Variants in GC observed in about 807,000 individuals in gnomAD.
The protein encoded by GC is vitamin D-binding protein.
GC carries 43 observed loss-of-function variants against 56.7 expected under a neutral mutation model. That is an observed-to-expected ratio of 0.76 (90% confidence interval 0.59 to 0.98). The LOEUF (loss-of-function observed/expected upper bound fraction) is 0.98, where lower values mean the gene tolerates loss of function less well. Among genes scored for constraint, GC ranks in the 50% least tolerant of loss-of-function variants. The pLI is 0.00. For missense variants in GC, 529 were observed against 545.9 expected (o/e 0.97, Z 0.31); for synonymous variants, 216 against 202.7 (o/e 1.07, Z -0.56).
At chr4:71,774,614 A>C (rs1742448399) in intron 1 of GC, among the ~76,000 whole-genome samples, 2 of 151,992 alleles carry the variant, frequency 1.3e-5, no homozygotes, top group Admixed American at 1.3e-4. Flanking sequence ...ACAGCAATAT[A>C]AATATAAATA....
chr4:71,771,335 A>ATT, intron 1 of GC, among the ~76,000 whole-genome samples: 1 of 148,558 alleles, frequency 6.7e-6, no homozygotes, highest in African/African-American at 2.5e-5. Context: ...AAAGGGTTGT[A>ATT]TTTTTTTTTT....
chr4:71,765,292 G>T, intron 4 of GC, 140 bp downstream of exon 4: 4 of 679,038 alleles, frequency 5.9e-6, no homozygotes, highest in Non-Finnish European at 1.0e-5. Context: ...AGGGAAGATG[G>T]GCTGTCTCAG....
intron 1 of GC, among the ~76,000 whole-genome samples, chr4:71,801,119 T>A (rs1046166071): frequency 1.3e-5 from 2 of 152,154 alleles, no homozygotes; most frequent in Admixed American, 1.3e-4. Context: ...AGAACTCTTA[T>A]AACCCAACAA....
rs151022839 is a variant in GC at position 71,764,187 on chromosome 4, T to A, written c.474-251A>T. Among the ~76,000 whole-genome samples, 165 of 152,176 alleles carry A rather than the reference T, an allele frequency of 1.1e-3. 2 individuals carry two copies. Among genetic ancestry groups the A allele is most frequent in the African/African-American group, 3.7e-3 (155 of 41,532 alleles). On this transcript the variant is annotated intron_variant, in intron 4 of 12. Coordinates refer to ENST00000273951, the MANE Select transcript of GC (RefSeq NM_000583.4). ...TGTATAAATTAGGTCTCACTAATTGTCCCAGGTTGGTCTTGAACTCCTGGG... is the reference window on the plus strand; with the variant it reads ...TGTATAAATTAGGTCTCACTAATTGACCCAGGTTGGTCTTGAACTCCTGGG...
intron 11 of GC, among the ~76,000 whole-genome samples, chr4:71,746,782 A>AAC (rs1036826026): frequency 4.3e-4 from 65 of 151,306 alleles, no homozygotes; most frequent in African/African-American, 1.2e-3. Flanking sequence ...TAAAAAAAAA[A>AAC]AAAAAAAAAA....
upstream of GC, chr4:71,804,127 A>ATC (rs1743309820): frequency 9.5e-5 from 59 of 620,706 alleles, 1 homozygote; most frequent in South Asian, 1.1e-3. Context: ...TCTGTCCCAC[A>ATC]GACCCTGGCT....
intron 4 of GC, 83 bp from the exon 5 acceptor site, chr4:71,764,019 G>C: frequency 9.4e-7 from 1 of 1,067,226 alleles, no homozygotes; most frequent in South Asian, 1.4e-5. Flanking sequence ...GTCTTGCCCT[G>C]TCATCTAGGC....
At chr4:71,766,172 C>A (rs1370925881) in intron 3 of GC, among the ~76,000 whole-genome samples, 2 of 152,168 alleles carry the variant, frequency 1.3e-5, no homozygotes, top group African/African-American at 4.8e-5. Flanking sequence ...CATTCTCTTA[C>A]CTAATGATTC....
chr4:71,742,867 G>C (rs947320192), intron 12 of GC, among the ~76,000 whole-genome samples: 2 of 152,164 alleles, frequency 1.3e-5, no homozygotes, highest in Non-Finnish European at 1.5e-5. Flanking sequence ...CCAGCTCCTC[G>C]GGTGGCTGAG....
At chr4:71,792,910 A>T (rs1022265107) in intron 1 of GC, among the ~76,000 whole-genome samples, 1 of 152,176 alleles carries the variant, frequency 6.6e-6, no homozygotes. Flanking sequence ...CCATTTATTA[A>T]CTAGGGAATC....
In GC at chr4:71,756,927, T is replaced by G. The variant is rs1487001605; in HGVS notation, c.832-13A>C. 1 of 1,567,012 alleles carries G rather than the reference T, an allele frequency of 6.4e-7. No individual in the cohort carries two copies. ...TGTGTTCAGGCAGCTACAAAACGAA[T>G]GGTTAGTTTGTGCATTGTTAGTTTC... On this transcript the variant is annotated splice_polypyrimidine_tract_variant and intron_variant, in intron 7 of 12. Coordinates refer to ENST00000273951, the MANE Select transcript of GC (RefSeq NM_000583.4).
intron 6 of GC, among the ~76,000 whole-genome samples, chr4:71,759,891 A>AATAT (rs1290307308): frequency 6.6e-6 from 1 of 152,170 alleles, no homozygotes. Flanking sequence ...TTATATAAGT[A>AATAT]ATATATATGG....
At chr4:71,776,782 A>G (rs893887776) in intron 1 of GC, among the ~76,000 whole-genome samples, 1 of 151,920 alleles carries the variant, frequency 6.6e-6, no homozygotes, top group African/African-American at 2.4e-5. Context: ...GCCAATTAAA[A>G]AACAGTACAT....
intron 1 of GC, among the ~76,000 whole-genome samples, chr4:71,800,323 C>A (rs1428159510): frequency 1.3e-5 from 2 of 152,096 alleles, no homozygotes; most frequent in Non-Finnish European, 2.9e-5. Context: ...TGAGTGAGAA[C>A]ATGCAGTGTT....
chr4:71,764,748 A>G (rs551233899), intron 4 of GC, among the ~76,000 whole-genome samples: 2 of 152,306 alleles, frequency 1.3e-5, no homozygotes, highest in East Asian at 3.9e-4. Context: ...GGAATGAGCA[A>G]TCCTACTAAT....
intron 4 of GC, among the ~76,000 whole-genome samples, chr4:71,764,328 T>C (rs1265029885): frequency 6.6e-6 from 1 of 152,174 alleles, no homozygotes; most frequent in African/African-American, 2.4e-5. Context: ...AAAGGATATA[T>C]GTTACATTAA....
At position 71,769,396 on chromosome 4, in the gene GC, C is replaced by T. The variant is rs1369882722; in HGVS notation, c.63G>A (p.Arg21=). The stretch of plus-strand genomic sequence containing the variant: ...TGCAGACTTTATTCTTTTCATAATC[C>T]CGGCCTAGGAGGCAGAAATAGAAAA... The part of the protein sequence containing the change: ...VAFGHALERG[R]DYEKNKVCKE... The change falls in exon 2 of 13, where the codon CGG becomes CGA. Residue 21 remains arginine (R), a synonymous_variant. Transcript: ENST00000273951. 6.2e-7 allele frequency: 1 copy of T among 1,611,250 alleles called. No individual in the cohort carries two copies. Among genetic ancestry groups the T allele is most frequent in the Non-Finnish European group, 8.5e-7 (1 of 1,177,782 alleles).
At chr4:71,784,320 G>T, upstream of GC, 3 of 1,075,392 alleles carry the variant, frequency 2.8e-6, no homozygotes, top group Non-Finnish European at 2.3e-6. Flanking sequence ...AAGGTATATA[G>T]ATTATTTTCC....
chr4:71,774,717 C>T (rs918180638), intron 1 of GC, among the ~76,000 whole-genome samples: 2 of 151,934 alleles, frequency 1.3e-5, no homozygotes, highest in Non-Finnish European at 2.9e-5. Flanking sequence ...CTTTAATCTT[C>T]ACAAAAATTT....
Sources: allele counts gnomAD v4.1 joint callset (sites outside exome capture counted in the v4.1 genomes callset), GRCh38; gene constraint gnomAD v4.1.1; transcripts MANE v1.5; gene names NCBI Gene and HGNC (gene_info 2026-07-23, HGNC 2026-07-21).